CELF2: variants seen among roughly 807,000 people sequenced by gnomAD.
CELF2 encodes the protein CUGBP Elav-like family member 2.
In CELF2, 8 loss-of-function variants were observed where a neutral mutation model predicts 62.6. That is an observed-to-expected ratio of 0.13 (90% confidence interval 0.07 to 0.23). The LOEUF (loss-of-function observed/expected upper bound fraction) is 0.23, where lower values mean the gene tolerates loss of function less well. Ranked by LOEUF, CELF2 falls within the 10% of genes least tolerant of loss-of-function variation. CELF2 has a pLI of 1.00. For synonymous variants in CELF2, 258 were observed against 250.0 expected (o/e 1.03, Z -0.30); for missense variants, 333 against 671.0 (o/e 0.50, Z 5.56).
chr10:10,564,794 A>G, the CELF2 span, among the ~76,000 whole-genome samples: 1 of 151,832 alleles, frequency 6.6e-6, no homozygotes. Flanking sequence ...TGCCCTTCCT[A>G]CCTCCACCAA....
rs1413268225 is a variant in CELF2 at position 11,269,513 on chromosome 10, A to G, written c.619-1153A>G. Among the ~76,000 whole-genome samples, 1 of 151,150 alleles carries G rather than the reference A, an allele frequency of 6.6e-6. No individual in the cohort carries two copies. Among genetic ancestry groups the G allele is most frequent in the Non-Finnish European group, 1.5e-5 (1 of 67,298 alleles). ...ATAGGAATATAACATTTCTGAGAGG[A>G]GAGAGAGAGAGGTCTATTATCATGC... is the stretch of plus-strand genomic sequence containing the variant. On this transcript the variant is annotated intron_variant, in intron 6 of 12. Transcript: ENST00000633077. The surrounding 1 kb of genome is among the most constrained non-coding windows in gnomAD (Gnocchi z 4.4).
chr10:11,153,842 A>C (rs2063794286), intron 1 of CELF2, among the ~76,000 whole-genome samples: 1 of 152,234 alleles, frequency 6.6e-6, no homozygotes, highest in African/African-American at 2.4e-5. Flanking sequence ...AGAATTGTAC[A>C]GTTTTTTCCC....
the CELF2 span, among the ~76,000 whole-genome samples, chr10:10,765,663 G>T: frequency 1.3e-5 from 2 of 152,188 alleles, no homozygotes; most frequent in Non-Finnish European, 2.9e-5. Context: ...ACAACCGACT[G>T]CAGCTGGTCT....
At chr10:11,166,010 G>A (rs2067030785) in intron 2 of CELF2, among the ~76,000 whole-genome samples, 1 of 152,226 alleles carries the variant, frequency 6.6e-6, no homozygotes, top group African/African-American at 2.4e-5. Context: ...CTTCTCCGAG[G>A]AATCGCGTTT....
intron 9 of CELF2, among the ~76,000 whole-genome samples, chr10:11,292,037 A>G (rs1233912699): frequency 1.3e-5 from 2 of 152,226 alleles, no homozygotes; most frequent in African/African-American, 4.8e-5. Flanking sequence ...GACTTGACCA[A>G]GTACACATCC....
At chr10:11,228,457 C>T (rs2067357284) in intron 3 of CELF2, among the ~76,000 whole-genome samples, 1 of 152,118 alleles carries the variant, frequency 6.6e-6, no homozygotes, top group Non-Finnish European at 1.5e-5. Flanking sequence ...TTTAATGATA[C>T]ATCAGTGAGT....
chr10:11,312,702 G>A (rs949210923), intron 9 of CELF2, among the ~76,000 whole-genome samples: 14 of 152,330 alleles, frequency 9.2e-5, no homozygotes, highest in Admixed American at 5.9e-4. Flanking sequence ...TTGGGAGGCC[G>A]AGGCGGGCGG....
intron 1 of CELF2, among the ~76,000 whole-genome samples, chr10:10,906,066 G>T (rs1453404660): frequency 1.3e-5 from 2 of 151,936 alleles, no homozygotes; most frequent in African/African-American, 4.8e-5. Context: ...GCCAGATTCT[G>T]TCTCAATAAA....
chr10:11,257,609 G>A (rs776727242), intron 4 of CELF2, 129 bp from the exon 5 acceptor site: 64 of 959,622 alleles, frequency 6.7e-5, no homozygotes, highest in Non-Finnish European at 9.2e-5. Flanking sequence ...CTGGACGTCT[G>A]CAGAGTTGGC....
chr10:10,512,468 G>A, the CELF2 span, among the ~76,000 whole-genome samples: 116 of 146,456 alleles, frequency 7.9e-4, no homozygotes, highest in African/African-American at 2.0e-3. Flanking sequence ...GTGCAGTGGC[G>A]TGATCTCTGC....
chr10:10,555,673 A>G, the CELF2 span, among the ~76,000 whole-genome samples: 10 of 152,224 alleles, frequency 6.6e-5, no homozygotes, highest in Admixed American at 6.5e-4. Context: ...CATTTAGGAC[A>G]TTGAACAAGT....
the CELF2 span, among the ~76,000 whole-genome samples, chr10:10,573,683 T>G: frequency 1.3e-5 from 2 of 152,160 alleles, no homozygotes; most frequent in Non-Finnish European, 2.9e-5. Context: ...TATTTTTCTG[T>G]AAATTAAAAT....
chr10:10,984,274 C>T (rs1041458275), intron 2 of CELF2, among the ~76,000 whole-genome samples: 1 of 152,154 alleles, frequency 6.6e-6, no homozygotes, highest in African/African-American at 2.4e-5. Context: ...ACTTCACATC[C>T]CATCATAAAA....
the CELF2 span, among the ~76,000 whole-genome samples, chr10:10,757,918 C>T: frequency 1.3e-5 from 2 of 151,980 alleles, no homozygotes; most frequent in Non-Finnish European, 2.9e-5. Flanking sequence ...GTAAACTAGG[C>T]CCCTATGGAA....
the CELF2 span, among the ~76,000 whole-genome samples, chr10:10,592,696 C>T: frequency 6.6e-6 from 1 of 152,166 alleles, no homozygotes; most frequent in Non-Finnish European, 1.5e-5. Context: ...AGACAACCTC[C>T]TCCTGATTTC....
At chr10:11,249,097 A>G in intron 3 of CELF2, 56 bp from the exon 4 acceptor site, 1 of 1,389,270 alleles carries the variant, frequency 7.2e-7, no homozygotes, top group Non-Finnish European at 1.0e-6. Context: ...CAGATTTCTG[A>G]GATGATTTTT....
the CELF2 span, among the ~76,000 whole-genome samples, chr10:10,600,817 T>A: frequency 6.6e-6 from 1 of 152,178 alleles, no homozygotes; most frequent in African/African-American, 2.4e-5. Flanking sequence ...CTGTGAGCAA[T>A]CTATTTATAG....
intron 2 of CELF2, among the ~76,000 whole-genome samples, chr10:11,195,849 C>A (rs942944815): frequency 2.0e-5 from 3 of 152,116 alleles, no homozygotes; most frequent in Admixed American, 6.5e-5. Flanking sequence ...TGCAGCAATG[C>A]CGAAGAGTGG....
the CELF2 span, among the ~76,000 whole-genome samples, chr10:10,638,511 A>C: frequency 6.6e-6 from 1 of 152,230 alleles, no homozygotes; most frequent in Non-Finnish European, 1.5e-5. Context: ...TGAGTTGCAC[A>C]TTCTTTTTTT....
Sources: gnomAD v4.1 joint callset for allele counts (sites outside exome capture counted in the v4.1 genomes callset) on GRCh38, gnomAD v4.1.1 for gene constraint, Gnocchi (gnomAD v3.1) non-coding constraint, MANE v1.5 for transcripts, NCBI Gene and HGNC (gene_info 2026-07-23, HGNC 2026-07-21) for gene names.